The following DEPTOR variants were observed in gnomAD, a reference collection of about 807,000 sequenced individuals.
DEPTOR encodes DEP domain-containing mTOR-interacting protein.
A neutral mutation model predicts 41.6 loss-of-function variants in DEPTOR; 41 were observed. The ratio of observed to expected loss-of-function variants is 0.98; its 90% CI spans 0.77 to 1.28. DEPTOR has a LOEUF of 1.28. Among genes scored for constraint, DEPTOR ranks in the 50% most tolerant of loss-of-function variants. The pLI is 0.00. For synonymous variants in DEPTOR, 195 were observed against 192.3 expected (o/e 1.01, Z -0.12); for missense variants, 514 against 527.9 (o/e 0.97, Z 0.26).
At chr8:119,881,677 C>T (rs187422486) in intron 1 of DEPTOR, among the ~76,000 whole-genome samples, 225 of 152,086 alleles carry the variant, frequency 1.5e-3, no homozygotes, top group African/African-American at 5.2e-3. Flanking sequence ...AGGAACTTTA[C>T]GGTTGGTATA....
chr8:119,925,473 T>C (rs1024431803), intron 1 of DEPTOR, among the ~76,000 whole-genome samples: 1 of 152,094 alleles, frequency 6.6e-6, no homozygotes, highest in East Asian at 1.9e-4. Flanking sequence ...GATTTATTCA[T>C]TACCACGCGA....
intron 5 of DEPTOR, among the ~76,000 whole-genome samples, 165 bp from the exon 6 acceptor site, chr8:120,002,812 A>ATATATATATATATATATATAT (rs71306853): frequency 2.8e-4 from 37 of 130,020 alleles, no homozygotes; most frequent in East Asian, 7.6e-4. Flanking sequence ...ATATATATAT[A>ATATATATATATATATATATAT]ATATAAAGTA....
At position 119,957,336 on chromosome 8, in the gene DEPTOR, AG is replaced by A. The variant is rs371909424; in HGVS notation, c.426-7895del. ...ATAGACAGGGACTCTGGTCTCAAAA[AG>A]CTTCTAATCAAGTGAGCAAGTAATT... On this transcript the variant is annotated intron_variant, in intron 3 of 8. Transcript: ENST00000286234. Among the ~76,000 whole-genome samples the A allele has an allele frequency of 4.3e-3, 655 of 152,316 alleles. 4 individuals are homozygous for A. The highest frequency in any genetic ancestry group is 0.015 in the African/African-American group (627 of 41,580).
At chr8:119,906,492 G>A (rs1827665563) in intron 1 of DEPTOR, among the ~76,000 whole-genome samples, 2 of 152,142 alleles carry the variant, frequency 1.3e-5, no homozygotes, top group South Asian at 4.1e-4. Context: ...TTAAGAAAAA[G>A]TATAGATATG....
intron 4 of DEPTOR, among the ~76,000 whole-genome samples, chr8:119,972,823 A>G (rs1398542816): frequency 6.6e-6 from 1 of 152,236 alleles, no homozygotes; most frequent in Non-Finnish European, 1.5e-5. Context: ...ATAGCCTGGC[A>G]GATATTTATA....
intron 8 of DEPTOR, among the ~76,000 whole-genome samples, chr8:120,013,352 T>C (rs898909686): frequency 6.6e-6 from 1 of 152,206 alleles, no homozygotes; most frequent in African/African-American, 2.4e-5. Context: ...AGAAATTATT[T>C]TGTACATTAT....
intron 4 of DEPTOR, among the ~76,000 whole-genome samples, chr8:119,994,220 G>A (rs74789046): frequency 2.2e-3 from 328 of 152,284 alleles, no homozygotes; most frequent in African/African-American, 7.6e-3. Flanking sequence ...GGAGGCAGAG[G>A]CAGGGCAATC....
chr8:119,923,742 T>C (rs889199466), intron 1 of DEPTOR, among the ~76,000 whole-genome samples: 1 of 152,162 alleles, frequency 6.6e-6, no homozygotes, highest in Admixed American at 6.5e-5. Flanking sequence ...CTTTATGTTC[T>C]TTTTAAATTG....
At chr8:120,000,851 G>A (rs893814876) in intron 4 of DEPTOR, among the ~76,000 whole-genome samples, 1 of 151,818 alleles carries the variant, frequency 6.6e-6, no homozygotes, top group Non-Finnish European at 1.5e-5. Flanking sequence ...GCTGAGGAGA[G>A]TGGATCAGTT....
chr8:120,028,248 C>T (rs1232532899), intron 8 of DEPTOR, among the ~76,000 whole-genome samples: 1 of 151,492 alleles, frequency 6.6e-6, no homozygotes, highest in African/African-American at 2.4e-5. Flanking sequence ...CTCCACCTCC[C>T]AGGTTCAAGC....
intron 1 of DEPTOR, among the ~76,000 whole-genome samples, chr8:119,887,696 C>T (rs1056834210): frequency 1.3e-5 from 2 of 151,340 alleles, no homozygotes; most frequent in African/African-American, 2.4e-5. Context: ...GATGGGGTTT[C>T]ACCATGTTGG....
chr8:119,901,458 C>T (rs62528661), intron 1 of DEPTOR, among the ~76,000 whole-genome samples: 25 of 152,116 alleles, frequency 1.6e-4, no homozygotes, highest in Non-Finnish European at 2.9e-4. Flanking sequence ...GGGCGGATCA[C>T]GAGATCAGGA....
intron 8 of DEPTOR, among the ~76,000 whole-genome samples, chr8:120,016,440 A>G (rs1306689694): frequency 2.6e-5 from 4 of 152,030 alleles, no homozygotes; most frequent in Non-Finnish European, 4.4e-5. Context: ...CTGGGATTAC[A>G]GGTGTGTACC....
chr8:120,042,465 TC>T (rs1453884513), intron 8 of DEPTOR, among the ~76,000 whole-genome samples: 1 of 152,230 alleles, frequency 6.6e-6, no homozygotes, highest in East Asian at 1.9e-4. Flanking sequence ...CAGCAGTTGT[TC>T]AGACCACTTA....
intron 1 of DEPTOR, among the ~76,000 whole-genome samples, chr8:119,911,349 A>C (rs1309098444): frequency 4.4e-5 from 5 of 113,840 alleles, no homozygotes; most frequent in Admixed American, 1.1e-4. Context: ...ACGGAGTTTC[A>C]CTCTTGTCAC....
chr8:119,903,267 T>A (rs997030253), intron 1 of DEPTOR, among the ~76,000 whole-genome samples: 17 of 152,198 alleles, frequency 1.1e-4, no homozygotes, highest in African/African-American at 3.9e-4. Context: ...CCCAGCTAAT[T>A]TTGTATTTTT....
chr8:120,030,584 G>A (rs1384583225), intron 8 of DEPTOR, among the ~76,000 whole-genome samples: 1 of 133,648 alleles, frequency 7.5e-6, no homozygotes, highest in Non-Finnish European at 1.5e-5. Flanking sequence ...TTGGTTCACT[G>A]CAACCTCCGC....
chr8:119,943,228 C>G (rs1173846169), intron 3 of DEPTOR, among the ~76,000 whole-genome samples: 5 of 152,182 alleles, frequency 3.3e-5, no homozygotes, highest in African/African-American at 1.2e-4. Context: ...CCTGCTTCCT[C>G]CCTGCCATTG....
At chr8:119,909,800 C>T (rs1301526431) in intron 1 of DEPTOR, among the ~76,000 whole-genome samples, 1 of 152,236 alleles carries the variant, frequency 6.6e-6, no homozygotes, top group African/African-American at 2.4e-5. Context: ...AACTAGGTTA[C>T]ATGCTTGTTT....
Sources: gnomAD v4.1 joint callset for allele counts (sites outside exome capture counted in the v4.1 genomes callset) on GRCh38, gnomAD v4.1.1 for gene constraint, MANE v1.5 for transcripts, NCBI Gene and HGNC (gene_info 2026-07-23, HGNC 2026-07-21) for gene names.